The following GID8 variants were observed in gnomAD, a reference collection of about 807,000 sequenced individuals.
GID8 encodes GID complex subunit 8 homolog.
A neutral mutation model predicts 27.4 loss-of-function variants in GID8; 6 were observed. The ratio of observed to expected loss-of-function variants is 0.22; its 90% confidence interval spans 0.12 to 0.43. GID8 has a LOEUF of 0.43. Ranked by LOEUF, GID8 falls within the 20% of genes least tolerant of loss-of-function variation. The pLI, the probability that GID8 is intolerant of heterozygous loss-of-function variation, is 1.00. For missense variants in GID8, 173 were observed against 287.6 expected, an observed-to-expected ratio of 0.60 and a Z score of 2.88; for synonymous variants, 112 against 109.0, an observed-to-expected ratio of 1.03 and a Z score of -0.17.
At chr20:62,938,698 G>A (rs1296757942) in intron 1 of GID8, 1 of 152,312 alleles carries the variant, frequency 6.6e-6, no homozygotes, top group Admixed American at 6.5e-5. Flanking sequence ...TGGAGTTTGA[G>A]ACTACCGAGT....
At chr20:62,940,080 C>G (rs1011805285) in intron 1 of GID8, among the ~76,000 whole-genome samples, 1 of 152,094 alleles carries the variant, frequency 6.6e-6, no homozygotes, top group Non-Finnish European at 1.5e-5. Context: ...TTGCCACGTA[C>G]ATATTTGTTG....
At position 62,947,368 on chromosome 20, in the gene GID8, A is replaced by G. The variant is rs1034462611; in HGVS notation, c.*2456A>G. ...TTTTTACAGTCTTTGTCTTTGCAGC[A>G]AGCAAATGAAATTAAGCCACTTTGG... On this transcript the variant is annotated 3_prime_UTR_variant, in exon 5 of 5. Transcript: ENST00000266069. 2.0e-5 allele frequency: 3 copies of G among 152,482 alleles called. No individual in the cohort carries two copies. Among genetic ancestry groups the G allele is most frequent in the South Asian group, 2.1e-4 (1 of 4,830 alleles). The allele number at this position is 152,482 out of a possible 1,614,324, so 9.4% of individuals were successfully genotyped here.
intron 1 of GID8, among the ~76,000 whole-genome samples, chr20:62,940,182 T>C (rs913706290): frequency 7.3e-6 from 1 of 137,914 alleles, no homozygotes; most frequent in Non-Finnish European, 1.5e-5. Flanking sequence ...TCTTTTCTTT[T>C]TTTTCTTTTT....
chr20:62,939,453 T>C (rs114172389), intron 1 of GID8, among the ~76,000 whole-genome samples: 98 of 147,958 alleles, frequency 6.6e-4, no homozygotes, highest in African/African-American at 2.4e-3. Flanking sequence ...CTAATTCATG[T>C]TTTCAGCTCT....
At position 62,945,986 on chromosome 20, in the gene GID8, G is replaced by A; in HGVS notation, c.*1074G>A. ...CTGTCCCCTGCTCCGTGGTGGGCAG[G>A]AGGGAAGTGGTGCAGGGCTGCGTGC... On this transcript the variant is annotated 3_prime_UTR_variant, in exon 5 of 5. Transcript: ENST00000266069. 1.6e-6 allele frequency: 2 copies of A among 1,289,476 alleles called. No homozygotes were observed. The highest frequency in any genetic ancestry group is 2.0e-6 in the Non-Finnish European group (2 of 988,882). The allele number at this position is 1,289,476 out of a possible 1,614,324, so 79.9% of individuals were successfully genotyped here. A position where few individuals can be genotyped will look rare whatever the true frequency, so the allele number is the denominator to read the frequency against.
rs1055774775 is a variant in GID8 at position 62,943,975 on chromosome 20, A to T, written c.513+283A>T. ...CTCTGCCTCCCAAGTAGCTGGGACT[A>T]CAGGAGTGTGCCACCACGCCCAGCT... On this transcript the variant is annotated intron_variant, in intron 4 of 4. Transcript: ENST00000266069. This position sits in a 1 kb window ranked among gnomAD's most constrained non-coding sequence, Gnocchi z 4.7. 1.3e-4 allele frequency among the ~76,000 whole-genome samples: 19 copies of T among 151,874 alleles called. No individual in the cohort carries two copies. The highest frequency in any genetic ancestry group is 4.6e-4 in the African/African-American group (19 of 41,334).
In GID8 at chr20:62,946,835, C is replaced by T. The variant is rs1218938921; in HGVS notation, c.*1923C>T. 2.0e-5 allele frequency: 3 copies of T among 152,284 alleles called. No homozygotes were observed. Among genetic ancestry groups the T allele is most frequent in the South Asian group, 2.1e-4 (1 of 4,826 alleles). The allele number at this position is 152,284 out of a possible 1,614,324, so 9.4% of individuals were successfully genotyped here. A position where few individuals can be genotyped will look rare whatever the true frequency, so the allele number is the denominator to read the frequency against. On this transcript the variant is annotated 3_prime_UTR_variant, in exon 5 of 5. Coordinates refer to ENST00000266069, the MANE Select transcript of GID8 (RefSeq NM_017896.3). The stretch of plus-strand genomic sequence containing the variant: ...GTGAGGTGAGAGAGATGCATCTGCA[C>T]GTTTTCTTCAACAGCACCAGGTGAT...
Position 62,943,650 on chromosome 20 carries a change from G to A in GID8, c.471G>A (p.Glu157=). 1 of 1,613,796 alleles carries A rather than the reference G, an allele frequency of 6.2e-7. No homozygotes were observed. The highest frequency in any genetic ancestry group is 8.5e-7 in the Non-Finnish European group (1 of 1,180,002). ...TGCTGGCCTTTGACAGTCCCGAGGA[G>A]TCGCCCTTCGGAGACCTCCTCCACA... The part of the protein sequence containing the change: ...LALLAFDSPE[E]SPFGDLLHTM... The change falls in exon 4 of 5, where the codon GAG becomes GAA. Residue 157 remains glutamate (E), a synonymous_variant. Transcript: ENST00000266069. The surrounding 1 kb of genome is among the most constrained non-coding windows in gnomAD (Gnocchi z 4.7).
At position 62,944,991 on chromosome 20, in the gene GID8, T is replaced by C. The variant is rs768068985; in HGVS notation, c.*79T>C. 2 of 1,503,010 alleles carry C rather than the reference T, an allele frequency of 1.3e-6. No homozygotes were observed. The highest frequency in any genetic ancestry group is 1.8e-6 in the Non-Finnish European group (2 of 1,125,022). The allele number at this position is 1,503,010 out of a possible 1,614,324, so 93.1% of individuals were successfully genotyped here. On this transcript the variant is annotated 3_prime_UTR_variant, in exon 5 of 5. Transcript: ENST00000266069. ...TCAGATCAGCCTGCGACTGCAAGATTCTTACTGCAGTAGAGAACTCTTTTT... is the reference window on the plus strand; with the variant it reads ...TCAGATCAGCCTGCGACTGCAAGATCCTTACTGCAGTAGAGAACTCTTTTT...
rs545716559 is a variant in GID8, at chr20:62,946,074, T to C, written c.*1162T>C. The C allele has an allele frequency of 4.1e-6, 5 of 1,229,936 alleles. No homozygotes were observed. In the South Asian group the frequency reaches 6.3e-5, roughly 15 times the overall value. 76.2% of individuals were successfully genotyped at this position (1,229,936 alleles called of 1,614,324 possible). A position where few individuals can be genotyped will look rare whatever the true frequency, so the allele number is the denominator to read the frequency against. The stretch of plus-strand genomic sequence containing the variant: ...CTTGTAGCTCTGGGCACAGATGTGT[T>C]TGGATTCATTGCAGCGGACCACCGG... On this transcript the variant is annotated 3_prime_UTR_variant, in exon 5 of 5. Transcript: ENST00000266069.
chr20:62,939,507 A>T (rs761732758), intron 1 of GID8, among the ~76,000 whole-genome samples: 4 of 150,940 alleles, frequency 2.7e-5, no homozygotes, highest in Admixed American at 6.6e-5. Context: ...ATTTCTCCAG[A>T]CGCATGTCTA....
chr20:62,944,367 C>A (rs536915055), intron 4 of GID8, among the ~76,000 whole-genome samples: 1 of 152,182 alleles, frequency 6.6e-6, no homozygotes, highest in Non-Finnish European at 1.5e-5. Context: ...CCTCTTCCCC[C>A]GGGTCCTCTC....
chr20:62,941,465 C>T, intron 1 of GID8, 26 bp from the exon 2 acceptor site: 2 of 1,299,056 alleles, frequency 1.5e-6, no homozygotes, highest in Non-Finnish European at 2.2e-6. Flanking sequence ...TAAACCCCTC[C>T]CTCAGCTGTT....
intron 1 of GID8, among the ~76,000 whole-genome samples, chr20:62,940,228 A>G (rs1269322126): frequency 3.8e-5 from 5 of 132,592 alleles, no homozygotes; most frequent in Admixed American, 3.6e-4. Context: ...TCTGTCGCCC[A>G]GGCTGGAGTG....
rs571023021 is a variant in GID8, at chr20:62,947,016, T to C, written c.*2104T>C. On this transcript the variant is annotated 3_prime_UTR_variant, in exon 5 of 5. Transcript: ENST00000266069. ...AACTAGGGGAACACAAATGGGGTCA[T>C]TCACGTGCCTGGACTGTCACTATGT... is the stretch of plus-strand genomic sequence containing the variant. 6.6e-6 allele frequency: 1 copy of C among 152,390 alleles called. No homozygotes were observed. Among genetic ancestry groups the C allele is most frequent in the East Asian group, 1.9e-4 (1 of 5,190 alleles). The allele number at this position is 152,390 out of a possible 1,614,324, so 9.4% of individuals were successfully genotyped here.
In GID8 at chr20:62,945,335, C is replaced by G. The variant is rs2065461470; in HGVS notation, c.*423C>G. 2 of 993,704 alleles carry G rather than the reference C, an allele frequency of 2.0e-6. No homozygotes were observed. The highest frequency in any genetic ancestry group is 2.4e-6 in the Non-Finnish European group (2 of 835,078). The allele number at this position is 993,704 out of a possible 1,614,324, so 61.6% of individuals were successfully genotyped here. ...ATTGGGCCTTCACCTACAAGTTTTT[C>G]CTTACCCCTGTGGTTTTTGTGTTTT... On this transcript the variant is annotated 3_prime_UTR_variant, in exon 5 of 5. Transcript: ENST00000266069.
intron 1 of GID8, among the ~76,000 whole-genome samples, chr20:62,939,122 AAAAAAG>A (rs1011055794): frequency 1.3e-5 from 2 of 152,076 alleles, no homozygotes; most frequent in Non-Finnish European, 2.9e-5. Flanking sequence ...TGTCTCAAAA[AAAAAAG>A]AAAAAGAAAA....
In GID8 at chr20:62,943,236, TA is replaced by T. The variant is rs2065451298; in HGVS notation, c.315+54del. On this transcript the variant is annotated intron_variant, in intron 3 of 4. Coordinates refer to ENST00000266069, the MANE Select transcript of GID8 (RefSeq NM_017896.3). This position sits in a 1 kb window ranked among gnomAD's most constrained non-coding sequence, Gnocchi z 4.7. ...TTGTGAATACTTGATAAGTTAAAGTTATTTGCAATGATTGAGAAATAACTAG... is the reference window on the plus strand; with the variant it reads ...TTGTGAATACTTGATAAGTTAAAGTTTTTGCAATGATTGAGAAATAACTAG... 1.5e-5 allele frequency: 20 copies of T among 1,339,896 alleles called. No homozygotes were observed. The South Asian group carries it at 2.4e-4, about 16-fold the overall frequency. 83.0% of individuals were successfully genotyped at this position (1,339,896 alleles called of 1,614,324 possible).
Position 62,947,001 on chromosome 20 carries a change from A to G in GID8, c.*2089A>G, listed in dbSNP as rs2065469318. ...GGAAGTCTCTCCACAAACTAGGGGA[A>G]CACAAATGGGGTCATTCACGTGCCT... is the stretch of plus-strand genomic sequence containing the variant. On this transcript the variant is annotated 3_prime_UTR_variant, in exon 5 of 5. Coordinates refer to ENST00000266069, the MANE Select transcript of GID8 (RefSeq NM_017896.3). 1 of 152,268 alleles carries G rather than the reference A, an allele frequency of 6.6e-6. No individual in the cohort carries two copies. Among genetic ancestry groups the G allele is most frequent in the African/African-American group, 2.4e-5 (1 of 41,476 alleles). 9.4% of individuals were successfully genotyped at this position (152,268 alleles called of 1,614,324 possible).
Sources: gnomAD v4.1 joint callset for allele counts (sites outside exome capture counted in the v4.1 genomes callset) on GRCh38, gnomAD v4.1.1 for gene constraint, Gnocchi (gnomAD v3.1) non-coding constraint, MANE v1.5 for transcripts, NCBI Gene and HGNC (gene_info 2026-07-23, HGNC 2026-07-21) for gene names.